Variants in TCN2 observed in about 807,000 individuals in gnomAD.
The protein encoded by TCN2 is transcobalamin 2, also known as transcobalamin-2.
In TCN2, 34 loss-of-function variants were observed where a neutral mutation model predicts 48.6. The observed-to-expected ratio is 0.70, with a 90% confidence interval of 0.53 to 0.93. TCN2 has a LOEUF of 0.93. Ranked by LOEUF, TCN2 falls within the 40% of genes least tolerant of loss-of-function variation. TCN2 has a pLI of 0.00. For synonymous variants in TCN2, 283 were observed against 212.5 expected, an observed-to-expected ratio of 1.33 and a Z score of -2.89; for missense variants, 652 against 526.1, an observed-to-expected ratio of 1.24 and a Z score of -2.34.
chr22:30,619,157 G>T (rs938560716), intron 7 of TCN2, among the ~76,000 whole-genome samples: 4 of 152,192 alleles, frequency 2.6e-5, no homozygotes, highest in Non-Finnish European at 5.9e-5. Flanking sequence ...GCTCACTGTA[G>T]CCTCAATCTT....
Position 30,612,075 on chromosome 22 carries a change from A to G in TCN2, c.258-798A>G, listed in dbSNP as rs530156016. Among the ~76,000 whole-genome samples, 14 of 152,074 alleles carry G rather than the reference A, an allele frequency of 9.2e-5. No individual in the cohort carries two copies. In the East Asian group the frequency reaches 2.5e-3, roughly 27 times the overall value. On this transcript the variant is annotated intron_variant, in intron 2 of 8. Coordinates refer to ENST00000215838, the MANE Select transcript of TCN2 (RefSeq NM_000355.4). ...AACATAGTGAGACCACATCTCTTAA[A>G]AAAAAGAAAAAGAAAAAAAATGAGC...
At chr22:30,614,590 C>T in intron 4 of TCN2, 89 bp downstream of exon 4, 2 of 1,557,120 alleles carry the variant, frequency 1.3e-6, no homozygotes, top group Non-Finnish European at 8.7e-7. Flanking sequence ...GGCCCCCACA[C>T]TCACCTTTCC....
intron 8 of TCN2, among the ~76,000 whole-genome samples, chr22:30,625,554 C>G (rs1200263810): frequency 2.6e-5 from 4 of 152,148 alleles, no homozygotes; most frequent in South Asian, 2.1e-4. Flanking sequence ...CCTCTGCCTC[C>G]CTGGCTTAAG....
intron 4 of TCN2, among the ~76,000 whole-genome samples, chr22:30,614,881 C>T (rs940088424): frequency 2.6e-5 from 4 of 152,032 alleles, no homozygotes; most frequent in African/African-American, 9.7e-5. Flanking sequence ...TGCCCTCCAG[C>T]CTGGGCAACA....
In TCN2 at chr22:30,607,235, C is replaced by T. The variant is rs1419236320; in HGVS notation, c.-97C>T. The T allele has an allele frequency of 1.4e-5, 19 of 1,316,924 alleles. No homozygotes were observed. The highest frequency in any genetic ancestry group is 1.8e-5 in the Non-Finnish European group (16 of 912,650). 81.6% of individuals were successfully genotyped at this position (1,316,924 alleles called of 1,614,324 possible). The stretch of plus-strand genomic sequence containing the variant: ...ATCAGTGACAGGAAGCTGCGTCTCT[C>T]GGAGCGGTGACCAGCTGTGGTCAGG... On this transcript the variant is annotated 5_prime_UTR_variant, in exon 1 of 9. Coordinates refer to ENST00000215838, the MANE Select transcript of TCN2 (RefSeq NM_000355.4).
chr22:30,609,423 T>C (rs2087502577), intron 1 of TCN2, among the ~76,000 whole-genome samples: 1 of 152,186 alleles, frequency 6.6e-6, no homozygotes, highest in Non-Finnish European at 1.5e-5. Flanking sequence ...CCCTTCCTTC[T>C]AAGGAGGTTG....
chr22:30,621,321 C>G (rs916506377), intron 7 of TCN2, among the ~76,000 whole-genome samples: 2 of 152,072 alleles, frequency 1.3e-5, no homozygotes, highest in African/African-American at 2.4e-5. Context: ...AAAAATCCCT[C>G]TAAGACTGCA....
At chr22:30,624,408 T>C (rs535124394) in intron 8 of TCN2, among the ~76,000 whole-genome samples, 29 of 152,038 alleles carry the variant, frequency 1.9e-4, no homozygotes, top group Non-Finnish European at 3.8e-4. Flanking sequence ...CTGTTCCTAC[T>C]CTTGTTATTT....
Position 30,614,460 on chromosome 22 carries a change from T to G in TCN2, c.539T>G (p.Leu180Arg). 1.2e-6 allele frequency: 2 copies of G among 1,614,194 alleles called. No homozygotes were observed. Reference protein sequence around the residue: ...RVHDSVVDKLLYAVEPFHQGH... With the variant: ...RVHDSVVDKLRYAVEPFHQGH... ...CATGACAGCGTGGTGGACAAACTTC[T>G]GTATGCTGTGGAACCTTTCCACCAG... Residue 180 changes from leucine (L) to arginine (R), a missense_variant, in exon 4 of 9, where the codon CTG becomes CGG. Physicochemically the swap from Leu to Arg is moderately radical, Grantham distance 102 (BLOSUM62 -2). Coordinates refer to ENST00000215838, the MANE Select transcript of TCN2 (RefSeq NM_000355.4).
intron 7 of TCN2, among the ~76,000 whole-genome samples, chr22:30,619,352 T>G (rs904282857): frequency 6.6e-6 from 1 of 152,256 alleles, no homozygotes; most frequent in African/African-American, 2.4e-5. Flanking sequence ...AGTGCTGAGA[T>G]AACAGGCGTG....
At chr22:30,622,896 G>A in intron 7 of TCN2, 72 bp from the exon 8 acceptor site, 3 of 1,498,908 alleles carry the variant, frequency 2.0e-6, no homozygotes, top group Non-Finnish European at 2.8e-6. Context: ...TTGCTGCTGT[G>A]GGTGAGCACT....
At chr22:30,623,309 AAACT>A (rs2087726059) in intron 8 of TCN2, 1 of 544,996 alleles carries the variant, frequency 1.8e-6, no homozygotes, top group Admixed American at 3.2e-5. Context: ...AAAAAAAAAA[AAACT>A]AGAAGAAAAT....
chr22:30,608,718 A>G (rs933121661), intron 1 of TCN2, among the ~76,000 whole-genome samples: 2 of 152,100 alleles, frequency 1.3e-5, no homozygotes, highest in African/African-American at 4.8e-5. Context: ...TCTGTGTTCC[A>G]TAAATGCAAT....
rs952435317 is a variant in TCN2 at position 30,626,966 on chromosome 22, G to C, written c.*445G>C. 7.4e-6 allele frequency: 2 copies of C among 269,284 alleles called. No homozygotes were observed. The highest frequency in any genetic ancestry group is 4.4e-5 in the African/African-American group (2 of 45,880). The allele number at this position is 269,284 out of a possible 1,614,324, so 16.7% of individuals were successfully genotyped here. A position where few individuals can be genotyped will look rare whatever the true frequency, so the allele number is the denominator to read the frequency against. On this transcript the variant is annotated 3_prime_UTR_variant, in exon 9 of 9. Coordinates refer to ENST00000215838, the MANE Select transcript of TCN2 (RefSeq NM_000355.4). ...ACTCTGCTGTTAGAGTGGCAGCTCCGAGCTGGTTGTGGCACAGTAGCTGGG... is the reference window on the plus strand; with the variant it reads ...ACTCTGCTGTTAGAGTGGCAGCTCCCAGCTGGTTGTGGCACAGTAGCTGGG...
chr22:30,621,616 G>A (rs2087700682), intron 7 of TCN2, among the ~76,000 whole-genome samples: 1 of 152,172 alleles, frequency 6.6e-6, no homozygotes, highest in Non-Finnish European at 1.5e-5. Context: ...CTGAATAGCT[G>A]GGATTACAGG....
chr22:30,614,946 G>C (rs2087591579), intron 4 of TCN2, among the ~76,000 whole-genome samples: 1 of 152,102 alleles, frequency 6.6e-6, no homozygotes, highest in African/African-American at 2.4e-5. Flanking sequence ...CTCCCCTAGT[G>C]ATTCCAATGT....
chr22:30,607,261 A>C lies in TCN2; in HGVS notation c.-71A>C. 1 of 1,544,598 alleles carries C rather than the reference A, an allele frequency of 6.5e-7. No individual in the cohort carries two copies. The highest frequency in any genetic ancestry group is 9.0e-7 in the Non-Finnish European group (1 of 1,117,182). On this transcript the variant is annotated 5_prime_UTR_variant, in exon 1 of 9. Coordinates refer to ENST00000215838, the MANE Select transcript of TCN2 (RefSeq NM_000355.4). ...GGAGCGGTGACCAGCTGTGGTCAGG[A>C]GAGCCTCAGCAGGGCCAGCCCCAGG...
intron 8 of TCN2, among the ~76,000 whole-genome samples, chr22:30,626,217 CA>C (rs1353220730): frequency 1.3e-5 from 2 of 152,112 alleles, no homozygotes. Context: ...TAGGGTATTA[CA>C]AAGACAGTGG....
At chr22:30,617,918 G>T (rs1471886699) in intron 7 of TCN2, among the ~76,000 whole-genome samples, 1 of 152,166 alleles carries the variant, frequency 6.6e-6, no homozygotes, top group Non-Finnish European at 1.5e-5. Context: ...TTTCATCAGA[G>T]TAAGAACTGT....
Sources: gnomAD v4.1 joint callset for allele counts (sites outside exome capture counted in the v4.1 genomes callset) on GRCh38, gnomAD v4.1.1 for gene constraint, MANE v1.5 for transcripts, NCBI Gene and HGNC (gene_info 2026-07-23, HGNC 2026-07-21) for gene names.